ESRRA: variants seen among roughly 807,000 people sequenced by gnomAD.
ESRRA encodes steroid hormone receptor ERR1.
Under a neutral mutation model 35.6 loss-of-function variants are expected in ESRRA, and 7 were observed. That is an observed-to-expected ratio of 0.20 (90% CI 0.11 to 0.37). The LOEUF is 0.37. Among genes scored for constraint, ESRRA ranks in the 10% least tolerant of loss-of-function variants. The probability of loss-of-function intolerance (pLI) is 1.00; values close to 1 mark genes in which losing one functional copy is unlikely to be tolerated. For missense variants in ESRRA, 378 were observed against 561.7 expected, an observed-to-expected ratio of 0.67 and a Z score of 3.31; for synonymous variants, 223 against 246.9, an observed-to-expected ratio of 0.90 and a Z score of 0.91.
At position 64,307,316 on chromosome 11, in the gene ESRRA, G is replaced by T. The variant is rs2035055474; in HGVS notation, c.137G>T (p.Cys46Phe). The change falls in exon 2 of 7, where the codon TGC (cysteine) becomes TTC (phenylalanine). Residue 46 changes from cysteine (C) to phenylalanine (F), a missense_variant. Cys to Phe is a radical substitution (Grantham distance 205, BLOSUM62 -2). Transcript: ENST00000000442. ...ALAPGPAPTR[C>F]LPGHKEEEDG... ...GCCCCTGGTCCAGCTCCCACTCGCTGCCTCCCAGGCCACAAGGAAGAGGAG... is the reference window on the plus strand; with the variant it reads ...GCCCCTGGTCCAGCTCCCACTCGCTTCCTCCCAGGCCACAAGGAAGAGGAG... 3.1e-6 allele frequency: 5 copies of T among 1,612,916 alleles called. No homozygotes were observed. Among genetic ancestry groups the T allele is most frequent in the African/African-American group, 1.3e-5 (1 of 74,920 alleles).
intron 2 of ESRRA, among the ~76,000 whole-genome samples, chr11:64,310,536 G>A (rs1326768764): frequency 2.0e-5 from 2 of 100,498 alleles, no homozygotes; most frequent in Non-Finnish European, 3.8e-5. Context: ...TCCTGGCCAG[G>A]TTTTTTTTTT....
intron 4 of ESRRA, 139 bp from the exon 5 acceptor site, chr11:64,314,598 CAGTT>C (rs373735111): frequency 2.8e-4 from 264 of 941,958 alleles, no homozygotes; most frequent in African/African-American, 9.6e-4. Context: ...CCCTGGGAGA[CAGTT>C]AGCGCTCTTC....
rs567342412 is a variant in ESRRA at position 64,316,714 on chromosome 11, GAA to G, written c.*754_*755del. 1.6e-6 allele frequency: 1 copy of G among 631,766 alleles called. No individual in the cohort carries two copies. The highest frequency in any genetic ancestry group is 2.9e-5 in the Admixed American group (1 of 34,238). 39.1% of individuals were successfully genotyped at this position (631,766 alleles called of 1,614,324 possible). A position where few individuals can be genotyped will look rare whatever the true frequency, so the allele number is the denominator to read the frequency against. ...GCTTTTGGTTTTAAACCTTTAATGA[GAA>G]AAAAATATATAATACCGAGCTCAAA... On this transcript the variant is annotated 3_prime_UTR_variant, in exon 7 of 7. Transcript: ENST00000000442.
chr11:64,314,705 C>T (rs769349749), intron 4 of ESRRA, 36 bp from the exon 5 acceptor site: 47 of 1,584,268 alleles, frequency 3.0e-5, no homozygotes, highest in Middle Eastern at 2.3e-4. Flanking sequence ...CTGACAGATT[C>T]GAGTGCTCCT....
intron 4 of ESRRA, 81 bp downstream of exon 4, chr11:64,314,448 G>GTT: frequency 1.4e-6 from 2 of 1,417,068 alleles, no homozygotes; most frequent in Non-Finnish European, 1.9e-6. Context: ...ACTGGGACCT[G>GTT]TATTTCCCCT....
chr11:64,308,345 T>C (rs1424177441), intron 2 of ESRRA, among the ~76,000 whole-genome samples: 2 of 151,224 alleles, frequency 1.3e-5, no homozygotes, highest in Non-Finnish European at 2.9e-5. Context: ...TGAAACCGCA[T>C]CTCTACTAAA....
chr11:64,315,806 G>C lies in ESRRA; in HGVS notation c.1112G>C (p.Gly371Ala), dbSNP rs375049581. The stretch of plus-strand genomic sequence containing the variant: ...GAAGCCGGCCGGGCTGGCCCCGGAG[G>C]GGGTGCTGAGCGGCGGCGGGCGGGC... The part of the protein sequence containing the change: ...EYEAGRAGPG[G>A]GAERRRAGRL... Residue 371 changes from glycine (G) to alanine (A), a missense_variant, in exon 7 of 7, where the codon GGG becomes GCG. Physicochemically the swap from Gly to Ala is moderately conservative, Grantham distance 60. This residue lies in a region of ESRRA where 284 missense variants were observed against 411.7 expected (regional missense o/e 0.69). Coordinates refer to ENST00000000442, the MANE Select transcript of ESRRA (RefSeq NM_004451.5). 37 of 1,612,732 alleles carry C rather than the reference G, an allele frequency of 2.3e-5. No homozygotes were observed. The highest frequency in any genetic ancestry group is 6.7e-5 in the East Asian group (3 of 44,894).
In ESRRA at chr11:64,315,225, C is replaced by T. The variant is rs757187295; in HGVS notation, c.967C>T (p.Arg323Ter). The T allele has an allele frequency of 1.2e-6, 2 of 1,604,144 alleles. No homozygotes were observed. The highest frequency in any genetic ancestry group is 1.1e-5 in the South Asian group (1 of 89,504). ...GCGGCTGCAGGCCCTGCGGCTGGAG[C>T]GAGAGGAGTATGTTCTACTAAAGGC... is the stretch of plus-strand genomic sequence containing the variant. ...VRRLQALRLE[R>*]EEYVLLKALA... The change falls in exon 6 of 7, where the codon CGA becomes TGA. Residue 323 changes from arginine to a stop codon, truncating the protein, a stop_gained. Coordinates refer to ENST00000000442, the MANE Select transcript of ESRRA (RefSeq NM_004451.5). LOFTEE classifies it high-confidence loss of function.
intron 2 of ESRRA, among the ~76,000 whole-genome samples, chr11:64,308,726 G>T (rs1397675002): frequency 6.7e-5 from 10 of 149,976 alleles, no homozygotes; most frequent in Admixed American, 3.4e-4. Context: ...TGAGGCAGGA[G>T]AATGGCGTGA....
rs774001253 is a variant in ESRRA at position 64,315,729 on chromosome 11, C to G, written c.1035C>G (p.Ala345=). 1.2e-6 allele frequency: 2 copies of G among 1,613,922 alleles called. No individual in the cohort carries two copies. The highest frequency in any genetic ancestry group is 1.7e-5 in the Admixed American group (1 of 60,020). ...ANSDSVHIED[A]EAVEQLREAL... ...CAGACTCTGTGCACATCGAAGATGC[C>G]GAGGCTGTGGAGCAGCTGCGAGAAG... Residue 345 remains alanine (A), a synonymous_variant, in exon 7 of 7, where the codon GCC becomes GCG. Coordinates refer to ENST00000000442, the MANE Select transcript of ESRRA (RefSeq NM_004451.5).
Position 64,314,843 on chromosome 11 carries a change from T to C in ESRRA, c.674T>C (p.Val225Ala). Residue 225 changes from valine to alanine, a missense_variant, in exon 5 of 7, where the codon GTG (valine) becomes GCG (alanine). Coordinates refer to ENST00000000442, the MANE Select transcript of ESRRA (RefSeq NM_004451.5). ...PAGPDGHLPA[V>A]ATLCDLFDRE... Reference sequence around the variant, plus strand: ...GGCCCTGATGGGCACCTCCCAGCCGTGGCTACCCTCTGTGACCTCTTTGAC... The same window carrying C: ...GGCCCTGATGGGCACCTCCCAGCCGCGGCTACCCTCTGTGACCTCTTTGAC... The C allele has an allele frequency of 6.2e-7, 1 of 1,612,468 alleles. No individual in the cohort carries two copies. The highest frequency in any genetic ancestry group is 8.5e-7 in the Non-Finnish European group (1 of 1,180,022).
At chr11:64,307,638 G>A in intron 2 of ESRRA, 134 bp downstream of exon 2, 2 of 612,264 alleles carry the variant, frequency 3.3e-6, no homozygotes, top group Admixed American at 3.9e-5. Flanking sequence ...CTACCTCCCA[G>A]AGACACTCTT....
chr11:64,309,003 CAA>C (rs541335671), intron 2 of ESRRA, among the ~76,000 whole-genome samples: 76 of 151,320 alleles, frequency 5.0e-4, no homozygotes, highest in Non-Finnish European at 8.7e-4. Context: ...TCATCCCACT[CAA>C]GAGGCTGAGA....
chr11:64,307,846 T>C (rs1314133081), intron 2 of ESRRA, among the ~76,000 whole-genome samples: 1 of 152,104 alleles, frequency 6.6e-6, no homozygotes, highest in Non-Finnish European at 1.5e-5. Flanking sequence ...ATAGAACATG[T>C]CCCCTTTTTG....
chr11:64,315,899 T>C lies in ESRRA; in HGVS notation c.1205T>C (p.Val402Ala). ...AGKVLAHFYGVKLEGKVPMHK... is the reference protein window; with the variant it reads ...AGKVLAHFYGAKLEGKVPMHK... The stretch of plus-strand genomic sequence containing the variant: ...AAAGTGCTGGCCCATTTCTATGGGG[T>C]GAAGCTGGAGGGCAAGGTGCCCATG... Residue 402 changes from valine (V) to alanine (A), a missense_variant, in exon 7 of 7, where the codon GTG becomes GCG. Around this residue, in one of 4 missense-constraint regions of ESRRA, gnomAD observed 284 missense variants for 411.7 expected, o/e 0.69. Transcript: ENST00000000442. The C allele has an allele frequency of 6.2e-7, 1 of 1,606,214 alleles. No homozygotes were observed. The highest frequency in any genetic ancestry group is 8.5e-7 in the Non-Finnish European group (1 of 1,175,552).
intron 2 of ESRRA, among the ~76,000 whole-genome samples, chr11:64,311,206 C>T (rs1162516585): frequency 1.3e-5 from 2 of 152,200 alleles, no homozygotes; most frequent in African/African-American, 4.8e-5. Context: ...AGTCCCTGTT[C>T]GGCACAGACC....
intron 2 of ESRRA, among the ~76,000 whole-genome samples, chr11:64,309,932 CAAAAAA>C (rs35187370): frequency 1.4e-3 from 104 of 74,564 alleles, no homozygotes; most frequent in African/African-American, 4.9e-3. Context: ...GAGTTCGTAT[CAAAAAA>C]AAAAAAAAAA....
chr11:64,314,809 G>A lies in ESRRA; in HGVS notation c.640G>A (p.Asp214Asn). Residue 214 changes from aspartate (D) to asparagine (N), a missense_variant, in exon 5 of 7, where the codon GAC becomes AAC. By Grantham distance (23) the Asp-to-Asn change is conservative (BLOSUM62 1). Coordinates refer to ENST00000000442, the MANE Select transcript of ESRRA (RefSeq NM_004451.5). ...VEPEKLYAMP[D>N]PAGPDGHLPA... Reference sequence around the variant, plus strand: ...GCCTGAGAAGCTCTATGCCATGCCTGACCCCGCAGGCCCTGATGGGCACCT... The same window carrying A: ...GCCTGAGAAGCTCTATGCCATGCCTAACCCCGCAGGCCCTGATGGGCACCT... 2.5e-6 allele frequency: 4 copies of A among 1,612,414 alleles called. No homozygotes were observed. Among genetic ancestry groups the A allele is most frequent in the Non-Finnish European group, 3.4e-6 (4 of 1,180,024 alleles).
At chr11:64,310,693 G>A (rs567990366) in intron 2 of ESRRA, among the ~76,000 whole-genome samples, 50 of 151,912 alleles carry the variant, frequency 3.3e-4, no homozygotes, top group African/African-American at 1.1e-3. Flanking sequence ...GATTACAGGC[G>A]CCTGCCACCA....
Sources: allele counts gnomAD v4.1 joint callset (sites outside exome capture counted in the v4.1 genomes callset), GRCh38; gene constraint gnomAD v4.1.1; regional missense constraint gnomAD v4.1.1; transcripts MANE v1.5; gene names NCBI Gene and HGNC (gene_info 2026-07-23, HGNC 2026-07-21).